The following CLDN14 variants were observed in gnomAD, a reference collection of about 807,000 sequenced individuals.
CLDN14 encodes the protein claudin-14.
Under a neutral mutation model 2.1 loss-of-function variants are expected in CLDN14, and 2 were observed. The observed-to-expected ratio is 0.96, with a 90% CI of 0.39 to 3.01. CLDN14 has a LOEUF of 3.01. Among genes scored for constraint, CLDN14 ranks in the 30% most tolerant of loss-of-function variants. CLDN14 has a pLI of 0.09. For missense variants in CLDN14, 298 were observed against 328.0 expected (o/e 0.91, Z 0.71); for synonymous variants, 136 against 154.4 (o/e 0.88, Z 0.88).
intron 1 of CLDN14, among the ~76,000 whole-genome samples, chr21:36,559,303 T>G (rs1046459427): frequency 6.6e-6 from 1 of 152,178 alleles, no homozygotes; most frequent in African/African-American, 2.4e-5. Context: ...TTCAAGTGAT[T>G]CTCCTGCCTC....
rs911778275 is a variant in CLDN14 at position 36,492,295 on chromosome 21, G to A, written c.-82+18068C>T. On this transcript the variant is annotated intron_variant, in intron 2 of 2. Coordinates refer to the CLDN14 transcript ENST00000342108. ...TAAAAATACAAAAAATTAGCCGGGCGCGGTGGCGGGCGCCTGTAGTCCCAG... is the reference window on the plus strand; with the variant it reads ...TAAAAATACAAAAAATTAGCCGGGCACGGTGGCGGGCGCCTGTAGTCCCAG... Among the ~76,000 whole-genome samples, 10 of 143,052 alleles carry A rather than the reference G, an allele frequency of 7.0e-5. 2 individuals carry two copies. Among genetic ancestry groups the A allele is most frequent in the Admixed American group, 2.7e-4 (4 of 14,682 alleles). 93.8% of individuals were successfully genotyped at this position (143,052 alleles called of 152,430 possible).
intron 1 of CLDN14, among the ~76,000 whole-genome samples, chr21:36,569,701 G>A (rs1376406358): frequency 1.3e-5 from 2 of 152,186 alleles, no homozygotes; most frequent in Admixed American, 1.3e-4. Flanking sequence ...ATCATCTGCT[G>A]GTCATGAGGG....
At chr21:36,463,276 T>A (rs927007914) in intron 1 of CLDN14, among the ~76,000 whole-genome samples, 1 of 152,242 alleles carries the variant, frequency 6.6e-6, no homozygotes, top group Non-Finnish European at 1.5e-5. Flanking sequence ...ACAAGTCACT[T>A]CAGCGTCCCA....
intron 1 of CLDN14, among the ~76,000 whole-genome samples, chr21:36,575,788 C>T (rs963465087): frequency 6.6e-6 from 1 of 152,148 alleles, no homozygotes; most frequent in African/African-American, 2.4e-5. Flanking sequence ...CACTGAACTA[C>T]CTAGAGGAAG....
upstream of CLDN14, among the ~76,000 whole-genome samples, chr21:36,482,439 T>TAGAC (rs1555845917): frequency 1.3e-5 from 2 of 150,846 alleles, no homozygotes; most frequent in African/African-American, 4.9e-5. Context: ...GATGGATGGA[T>TAGAC]GGATGGATGG....
intron 1 of CLDN14, among the ~76,000 whole-genome samples, chr21:36,511,659 C>G (rs1181292569): frequency 6.6e-6 from 1 of 152,098 alleles, no homozygotes; most frequent in African/African-American, 2.4e-5. Context: ...TTTCTTTCCT[C>G]CTGTACAATG....
At chr21:36,565,618 C>G (rs778347910) in intron 1 of CLDN14, among the ~76,000 whole-genome samples, 14 of 152,210 alleles carry the variant, frequency 9.2e-5, no homozygotes, top group Non-Finnish European at 1.6e-4. Context: ...GAGATGTCCA[C>G]AGTCTGCACA....
At chr21:36,537,477 T>C (rs887747408) in intron 1 of CLDN14, among the ~76,000 whole-genome samples, 2 of 152,216 alleles carry the variant, frequency 1.3e-5, no homozygotes, top group Admixed American at 6.5e-5. Flanking sequence ...ATGAACTGGA[T>C]AGTAGATGAC....
At chr21:36,534,957 C>T (rs931224636) in intron 1 of CLDN14, among the ~76,000 whole-genome samples, 2 of 152,140 alleles carry the variant, frequency 1.3e-5, no homozygotes, top group Admixed American at 6.5e-5. Flanking sequence ...AGCCATTGAT[C>T]TTATTGTGTA....
chr21:36,535,862 C>T (rs1222429391), intron 1 of CLDN14, among the ~76,000 whole-genome samples: 1 of 152,184 alleles, frequency 6.6e-6, no homozygotes, highest in Non-Finnish European at 1.5e-5. Context: ...ATATGAAACC[C>T]TTCGGGTTAG....
At chr21:36,555,477 G>A (rs2087592305) in intron 1 of CLDN14, among the ~76,000 whole-genome samples, 1 of 152,208 alleles carries the variant, frequency 6.6e-6, no homozygotes, top group Admixed American at 6.5e-5. Context: ...CGTGTTCCAA[G>A]GTCGTAAGTT....
chr21:36,530,773 G>C (rs2087373443), intron 1 of CLDN14, among the ~76,000 whole-genome samples: 1 of 152,134 alleles, frequency 6.6e-6, no homozygotes, highest in Non-Finnish European at 1.5e-5. Flanking sequence ...ATGTACCCGG[G>C]GGAGTTTGGG....
chr21:36,486,894 G>A (rs894031860), intron 2 of CLDN14: 41 of 657,980 alleles, frequency 6.2e-5, no homozygotes, highest in Admixed American at 3.1e-4. Flanking sequence ...GGATGCGGCC[G>A]GTGTCTAGAG....
chr21:36,571,796 G>A (rs922951594), intron 1 of CLDN14, among the ~76,000 whole-genome samples: 5 of 152,110 alleles, frequency 3.3e-5, no homozygotes, highest in Admixed American at 1.3e-4. Context: ...TGCTGGTACC[G>A]GTAAGTGACA....
intron 1 of CLDN14, among the ~76,000 whole-genome samples, chr21:36,570,194 G>A (rs560903578): frequency 6.6e-6 from 1 of 152,340 alleles, no homozygotes; most frequent in South Asian, 2.1e-4. Context: ...GGAATCAATA[G>A]AACAGAATGT....
intron 1 of CLDN14, among the ~76,000 whole-genome samples, chr21:36,523,097 T>C (rs1396506823): frequency 1.3e-5 from 2 of 152,216 alleles, no homozygotes; most frequent in Non-Finnish European, 2.9e-5. Context: ...CCCTTCCTGA[T>C]CCCCCCAGTG....
intron 1 of CLDN14, among the ~76,000 whole-genome samples, chr21:36,519,260 A>G: frequency 6.6e-6 from 1 of 152,262 alleles, no homozygotes; most frequent in East Asian, 1.9e-4. Flanking sequence ...TGCAGAAAAT[A>G]AAATGTGAAA....
chr21:36,500,720 C>T (rs568593883), intron 2 of CLDN14, among the ~76,000 whole-genome samples: 1 of 152,256 alleles, frequency 6.6e-6, no homozygotes, highest in Non-Finnish European at 1.5e-5. Context: ...GCGCACGTCA[C>T]CGTGCCCGGC....
chr21:36,549,276 A>ACACTCT (rs551169909), intron 1 of CLDN14, among the ~76,000 whole-genome samples: 48 of 139,622 alleles, frequency 3.4e-4, no homozygotes, highest in African/African-American at 9.9e-4. Flanking sequence ...TTACACACAC[A>ACACTCT]CTCTCTCTCT....
Sources: allele counts gnomAD v4.1 joint callset (sites outside exome capture counted in the v4.1 genomes callset), GRCh38; gene constraint gnomAD v4.1.1; transcripts MANE v1.5; gene names NCBI Gene and HGNC (gene_info 2026-07-23, HGNC 2026-07-21).